The following SPMIP7 variants were observed in gnomAD, a reference collection of about 807,000 sequenced individuals.
The protein encoded by SPMIP7 is sperm microtubule inner protein 7.
chr7:50,116,027 G>C, the SPMIP7 span, among the ~76,000 whole-genome samples: 3 of 152,128 alleles, frequency 2.0e-5, no homozygotes, highest in Non-Finnish European at 4.4e-5. Context: ...CAAATTGGAG[G>C]TGACTAAACA....
the SPMIP7 span, among the ~76,000 whole-genome samples, chr7:50,107,982 G>A: frequency 4.6e-5 from 7 of 152,168 alleles, no homozygotes; most frequent in South Asian, 2.1e-4. Context: ...GAATCTGGAC[G>A]TCAGTGCCAT....
the SPMIP7 span, among the ~76,000 whole-genome samples, chr7:50,106,710 T>C: frequency 1.3e-5 from 2 of 152,124 alleles, no homozygotes; most frequent in African/African-American, 4.8e-5. Context: ...AGATACACAC[T>C]GAGTCCATAT....
At chr7:50,127,165 T>C in the SPMIP7 span, among the ~76,000 whole-genome samples, 1 of 151,980 alleles carries the variant, frequency 6.6e-6, no homozygotes, top group Middle Eastern at 3.2e-3. Context: ...AAAAGGACAG[T>C]CTTTTCCATA....
the SPMIP7 span, among the ~76,000 whole-genome samples, chr7:50,140,500 T>G: frequency 6.6e-6 from 1 of 152,222 alleles, no homozygotes; most frequent in Non-Finnish European, 1.5e-5. Context: ...TATTGAGTGT[T>G]ATGAATCACA....
the SPMIP7 span, among the ~76,000 whole-genome samples, chr7:50,097,595 C>T: frequency 1.3e-5 from 2 of 150,880 alleles, no homozygotes; most frequent in South Asian, 4.2e-4. Context: ...GGGCTAGTTA[C>T]TATTCTCTTT....
chr7:50,109,737 A>C, the SPMIP7 span, among the ~76,000 whole-genome samples: 1 of 152,172 alleles, frequency 6.6e-6, no homozygotes, highest in East Asian at 1.9e-4. Context: ...GAGATTATAT[A>C]TTTTTATTAT....
chr7:50,108,421 G>A, the SPMIP7 span, among the ~76,000 whole-genome samples: 1 of 152,110 alleles, frequency 6.6e-6, no homozygotes. Flanking sequence ...TCAGAAAGTG[G>A]AAGAGATGCT....
the SPMIP7 span, among the ~76,000 whole-genome samples, chr7:50,120,818 A>G: frequency 6.6e-6 from 1 of 152,172 alleles, no homozygotes; most frequent in Admixed American, 6.5e-5. Context: ...AAATCAGACC[A>G]TTTTACAGCA....
the SPMIP7 span, among the ~76,000 whole-genome samples, chr7:50,117,629 G>A: frequency 6.6e-6 from 1 of 152,164 alleles, no homozygotes; most frequent in Non-Finnish European, 1.5e-5. Context: ...ATGTTCATAT[G>A]TGAGATAATC....
chr7:50,122,944 T>C, the SPMIP7 span, among the ~76,000 whole-genome samples: 4 of 149,340 alleles, frequency 2.7e-5, no homozygotes, highest in Admixed American at 2.7e-4. Context: ...TGTGGAGAAA[T>C]AGGAACACTT....
the SPMIP7 span, among the ~76,000 whole-genome samples, chr7:50,119,487 A>G: frequency 2.0e-5 from 3 of 152,208 alleles, no homozygotes; most frequent in Non-Finnish European, 4.4e-5. Flanking sequence ...TGGCTTTAGC[A>G]AAGGCTTATG....
chr7:50,147,722 A>G, the SPMIP7 span, among the ~76,000 whole-genome samples: 2 of 152,060 alleles, frequency 1.3e-5, no homozygotes, highest in Admixed American at 6.5e-5. Context: ...AAATTACTTA[A>G]TTTCTATTTT....
the SPMIP7 span, among the ~76,000 whole-genome samples, chr7:50,128,316 G>C: frequency 6.6e-6 from 1 of 152,080 alleles, no homozygotes; most frequent in Non-Finnish European, 1.5e-5. Flanking sequence ...CCAAGAAAGG[G>C]AGTGTGGAGG....
chr7:50,152,626 A>G, the SPMIP7 span, among the ~76,000 whole-genome samples: 4 of 152,196 alleles, frequency 2.6e-5, no homozygotes, highest in Non-Finnish European at 2.9e-5. Flanking sequence ...GTTCTAGATC[A>G]CATTCTTTTG....
the SPMIP7 span, chr7:50,159,032 C>G: frequency 6.5e-7 from 1 of 1,548,926 alleles, no homozygotes. Flanking sequence ...CCTTTTTTTC[C>G]CATCCTGCCC....
At chr7:50,134,285 G>T in the SPMIP7 span, 24 of 1,468,650 alleles carry the variant, frequency 1.6e-5, 1 homozygote, top group Non-Finnish European at 2.2e-5. Flanking sequence ...ATTTCTCATT[G>T]TTATTGAAAT....
the SPMIP7 span, among the ~76,000 whole-genome samples, chr7:50,145,368 C>T: frequency 6.6e-6 from 1 of 151,102 alleles, no homozygotes. Flanking sequence ...TGAAGATAAG[C>T]TCAGTCCCTT....
chr7:50,107,811 A>G, the SPMIP7 span, among the ~76,000 whole-genome samples: 3 of 152,232 alleles, frequency 2.0e-5, no homozygotes, highest in South Asian at 2.1e-4. Flanking sequence ...GCCAAAGGTG[A>G]CAGCAACAGA....
At chr7:50,140,177 T>C in the SPMIP7 span, 63 of 1,493,602 alleles carry the variant, frequency 4.2e-5, no homozygotes, top group Non-Finnish European at 4.8e-5. Flanking sequence ...TATTCCTCTC[T>C]ATACGTAAGT....
Sources: allele counts gnomAD v4.1 joint callset (sites outside exome capture counted in the v4.1 genomes callset), GRCh38; gene constraint gnomAD v4.1.1; transcripts MANE v1.5; gene names NCBI Gene and HGNC (gene_info 2026-07-23, HGNC 2026-07-21).